ARHGAP28: variants seen among roughly 807,000 people sequenced by gnomAD.
ARHGAP28 encodes Rho GTPase activating protein 28, also known as rho GTPase-activating protein 28.
In ARHGAP28, 56 loss-of-function variants were observed where a neutral mutation model predicts 90.7. That is an observed-to-expected ratio of 0.62 (90% CI 0.50 to 0.77). The LOEUF is 0.77. ARHGAP28 is among the 30% of genes least tolerant of loss of function. The pLI is 0.00. For missense variants in ARHGAP28, 869 were observed against 900.9 expected (o/e 0.96, Z 0.45); for synonymous variants, 308 against 323.3 (o/e 0.95, Z 0.51).
At position 6,765,328 on chromosome 18, in the gene ARHGAP28, G is replaced by T. The variant is rs545173539; in HGVS notation, c.122+35385G>T. ...AATTCAATTTCTTTAATAAATATGG[G>T]TCGATCTCATTTCTTCTTCTGTCAG... is the stretch of plus-strand genomic sequence containing the variant. On this transcript the variant is annotated intron_variant, in intron 1 of 17. Transcript: ENST00000383472. 6.0e-4 allele frequency among the ~76,000 whole-genome samples: 92 copies of T among 152,230 alleles called. 3 individuals carry two copies. In the South Asian group the frequency reaches 0.018, roughly 30 times the overall value.
At chr18:6,813,930 T>C (rs372886315) in intron 1 of ARHGAP28, among the ~76,000 whole-genome samples, 7 of 152,126 alleles carry the variant, frequency 4.6e-5, no homozygotes, top group East Asian at 1.9e-4. Flanking sequence ...CTCTGTTTCA[T>C]TGGAAACCCT....
intron 1 of ARHGAP28, among the ~76,000 whole-genome samples, chr18:6,783,468 A>G (rs903525070): frequency 7.1e-6 from 1 of 140,310 alleles, no homozygotes; most frequent in African/African-American, 3.3e-5. Flanking sequence ...GGCCTGGCTA[A>G]TTTTGTATTT....
chr18:6,850,968 T>C, intron 3 of ARHGAP28, 66 bp from the exon 4 acceptor site: 1 of 1,593,862 alleles, frequency 6.3e-7, no homozygotes, highest in Non-Finnish European at 8.6e-7. Flanking sequence ...GTAATGCATG[T>C]GTGAATACGC....
At chr18:6,835,337 G>C (rs1381587458) in intron 2 of ARHGAP28, among the ~76,000 whole-genome samples, 3 of 152,126 alleles carry the variant, frequency 2.0e-5, no homozygotes, top group Non-Finnish European at 4.4e-5. Flanking sequence ...TTAAGGAAGA[G>C]CTCCATGTCA....
chr18:6,842,617 C>G (rs1319053901), intron 3 of ARHGAP28, among the ~76,000 whole-genome samples: 1 of 152,090 alleles, frequency 6.6e-6, no homozygotes, highest in Non-Finnish European at 1.5e-5. Flanking sequence ...TGTCGTTGCT[C>G]TGTTGACTTT....
intron 4 of ARHGAP28, among the ~76,000 whole-genome samples, chr18:6,851,922 A>C (rs568820054): frequency 4.6e-5 from 7 of 152,258 alleles, no homozygotes; most frequent in African/African-American, 1.4e-4. Flanking sequence ...AGAGATTCAA[A>C]GGAGGCATGA....
At chr18:6,856,646 A>G (rs565840515) in intron 4 of ARHGAP28, among the ~76,000 whole-genome samples, 85 of 152,250 alleles carry the variant, frequency 5.6e-4, no homozygotes, top group Non-Finnish European at 1.0e-3. Flanking sequence ...AGTAGCTGGG[A>G]CTACAGGTGT....
intron 1 of ARHGAP28, among the ~76,000 whole-genome samples, chr18:6,774,683 G>A (rs2056269654): frequency 1.3e-5 from 2 of 152,176 alleles, no homozygotes; most frequent in Admixed American, 1.3e-4. Flanking sequence ...AGCCAAGCAA[G>A]CTCTTCTATT....
intron 4 of ARHGAP28, among the ~76,000 whole-genome samples, chr18:6,852,163 G>A (rs545665288): frequency 3.9e-5 from 6 of 152,260 alleles, no homozygotes; most frequent in South Asian, 4.1e-4. Context: ...ACAATAAACA[G>A]TCTATTTGTG....
intron 16 of ARHGAP28, among the ~76,000 whole-genome samples, chr18:6,903,826 C>A (rs1425248907): frequency 5.6e-3 from 470 of 83,962 alleles, no homozygotes; most frequent in East Asian, 9.8e-3. Flanking sequence ...GACTCCATCT[C>A]AAAAAAAAAA....
In ARHGAP28 at chr18:6,824,990, T is replaced by C. The variant is rs186347820; in HGVS notation, c.325+26T>C. 2.5e-4 allele frequency: 379 copies of C among 1,506,986 alleles called. 1 individual carries two copies. In the Admixed American group the frequency reaches 2.8e-3, roughly 11 times the overall value. 93.4% of individuals were successfully genotyped at this position (1,506,986 alleles called of 1,614,324 possible). A position where few individuals can be genotyped will look rare whatever the true frequency, so the allele number is the denominator to read the frequency against. ...GTAAGTTGCTGGATTTGTCTTCCTA[T>C]GTGCTGACTGGCTTTCTTTCTCTGC... On this transcript the variant is annotated intron_variant, in intron 2 of 17. Transcript: ENST00000383472.
chr18:6,861,493 T>C (rs2056998235), intron 5 of ARHGAP28, among the ~76,000 whole-genome samples: 1 of 152,200 alleles, frequency 6.6e-6, no homozygotes, highest in Admixed American at 6.5e-5. Context: ...TCCAACTTTC[T>C]AGTTAACCTG....
Position 6,843,286 on chromosome 18 carries a change from G to A in ARHGAP28, c.543+5872G>A, listed in dbSNP as rs147455676. The stretch of plus-strand genomic sequence containing the variant: ...AGGCAGGTGTCACTCATCACCGAGA[G>A]TTAACTACTGCCGCTCTTCAGTGTC... On this transcript the variant is annotated intron_variant, in intron 3 of 17. Transcript: ENST00000383472. Among the ~76,000 whole-genome samples, 251 of 152,244 alleles carry A rather than the reference G, an allele frequency of 1.6e-3. 1 individual carries two copies. The highest frequency in any genetic ancestry group is 5.9e-3 in the African/African-American group (244 of 41,536).
chr18:6,805,566 A>G lies in ARHGAP28; in HGVS notation c.123-19196A>G, dbSNP rs528349190. Reference sequence around the variant, plus strand: ...AATGGCACGATCTCAGCTCACTGCAACCTCTGCCTCCCGGGTTCAAACGAT... The same window carrying G: ...AATGGCACGATCTCAGCTCACTGCAGCCTCTGCCTCCCGGGTTCAAACGAT... On this transcript the variant is annotated intron_variant, in intron 1 of 17. Transcript: ENST00000383472. Among the ~76,000 whole-genome samples the G allele has an allele frequency of 1.3e-3, 182 of 137,994 alleles. 2 individuals are homozygous for G. Among genetic ancestry groups the G allele is most frequent in the African/African-American group, 4.2e-3 (156 of 36,916 alleles). The allele number at this position is 137,994 out of a possible 152,430, so 90.5% of individuals were successfully genotyped here. A position where few individuals can be genotyped will look rare whatever the true frequency, so the allele number is the denominator to read the frequency against.
chr18:6,768,027 G>T (rs1489850590), intron 1 of ARHGAP28, among the ~76,000 whole-genome samples: 2 of 151,886 alleles, frequency 1.3e-5, no homozygotes, highest in Non-Finnish European at 2.9e-5. Flanking sequence ...TTCAGTTTGA[G>T]TATTTTCCAT....
chr18:6,772,276 G>A (rs905759520), intron 1 of ARHGAP28, among the ~76,000 whole-genome samples: 1 of 152,038 alleles, frequency 6.6e-6, no homozygotes, highest in Non-Finnish European at 1.5e-5. Context: ...GTTTCAACTG[G>A]GTGCTCTAAC....
chr18:6,771,749 C>G (rs886278746), intron 1 of ARHGAP28, among the ~76,000 whole-genome samples: 2 of 152,164 alleles, frequency 1.3e-5, no homozygotes, highest in Non-Finnish European at 2.9e-5. Context: ...TTGCCTAGTA[C>G]GTTTTTATGT....
At position 6,913,425 on chromosome 18, in the gene ARHGAP28, T is replaced by C. The variant is rs1466803655; in HGVS notation, c.*1271T>C. 2 of 152,174 alleles carry C rather than the reference T, an allele frequency of 1.3e-5. No homozygotes were observed. The highest frequency in any genetic ancestry group is 2.9e-5 in the Non-Finnish European group (2 of 68,026). 9.4% of individuals were successfully genotyped at this position (152,174 alleles called of 1,614,324 possible). On this transcript the variant is annotated 3_prime_UTR_variant, in exon 18 of 18. Transcript: ENST00000383472. ...AGAGTTCTCATTTATCCCAGATATA[T>C]ACATTGGCTTTTTTGGAATCTATAG...
chr18:6,870,005 A>G (rs949047270), intron 6 of ARHGAP28, among the ~76,000 whole-genome samples: 1 of 152,232 alleles, frequency 6.6e-6, no homozygotes, highest in Non-Finnish European at 1.5e-5. Context: ...CTTTTTCTCA[A>G]TGTATGTCAT....
Sources: allele counts gnomAD v4.1 joint callset (sites outside exome capture counted in the v4.1 genomes callset), GRCh38; gene constraint gnomAD v4.1.1; transcripts MANE v1.5; gene names NCBI Gene and HGNC (gene_info 2026-07-23, HGNC 2026-07-21).